Variants in MCM7 observed in about 807,000 individuals in gnomAD.
MCM7 encodes minichromosome maintenance complex component 7, also known as DNA replication licensing factor MCM7.
Under a neutral mutation model 83.5 loss-of-function variants are expected in MCM7, and 95 were observed. The observed-to-expected ratio is 1.14, with a 90% CI of 0.96 to 1.35. MCM7 has a LOEUF of 1.35. Among genes scored for constraint, MCM7 ranks in the 40% most tolerant of loss-of-function variants. MCM7 has a pLI of 0.00. For missense variants in MCM7, 1,087 were observed against 957.4 expected (o/e 1.14, Z -1.79); for synonymous variants, 461 against 352.7 (o/e 1.31, Z -3.44).
Position 100,100,104 on chromosome 7 carries a change from A to T in MCM7, c.32-11T>A, listed in dbSNP as rs755474181. The stretch of plus-strand genomic sequence containing the variant: ...ACTTCTTAACCTTTTCTGTAACATG[A>T]AATGTAAAACCGTAAGACACAAACT... On this transcript the variant is annotated splice_polypyrimidine_tract_variant and intron_variant, in intron 1 of 14. Transcript: ENST00000303887. 6.2e-7 allele frequency: 1 copy of T among 1,613,648 alleles called. No homozygotes were observed. Among genetic ancestry groups the T allele is most frequent in the Non-Finnish European group, 8.5e-7 (1 of 1,179,798 alleles).
chr7:100,100,686 C>G (rs971543652), intron 1 of MCM7: 2 of 989,964 alleles, frequency 2.0e-6, no homozygotes, highest in African/African-American at 3.5e-5. Flanking sequence ...AGCTCCGGAT[C>G]CCAGGCACGC....
At position 100,093,564 on chromosome 7, in the gene MCM7, G is replaced by T. The variant is rs777567675; in HGVS notation, c.1849-163C>A. 7.6e-6 allele frequency: 6 copies of T among 794,372 alleles called. No homozygotes were observed. In the South Asian group the frequency reaches 8.1e-5, roughly 11 times the overall value. 49.2% of individuals were successfully genotyped at this position (794,372 alleles called of 1,614,324 possible). ...CCCCCAGCATCCGCAGTGTTGGGCC[G>T]GCACTGTCAGACCGAGACAAGTGCA... On this transcript the variant is annotated intron_variant, in intron 13 of 14. Coordinates refer to ENST00000303887, the MANE Select transcript of MCM7 (RefSeq NM_005916.5).
chr7:100,096,421 C>A (rs1795638913), intron 10 of MCM7, among the ~76,000 whole-genome samples: 2 of 152,194 alleles, frequency 1.3e-5, no homozygotes. Context: ...CCGGCCTCAG[C>A]CTCCCAAGTA....
chr7:100,100,775 G>C (rs1021533421), intron 1 of MCM7: 2 of 991,784 alleles, frequency 2.0e-6, no homozygotes, highest in Non-Finnish European at 2.4e-6. Context: ...GCCTCCTCGC[G>C]CCACTTCCGC....
At position 100,098,077 on chromosome 7, in the gene MCM7, T is replaced by G. The variant is rs1043748189; in HGVS notation, c.870+64A>C. ...GGGTTTTGCTGCTCTTTTCTCTGTG[T>G]GGGTAGAATGAGTAGGTGAGGGAAA... On this transcript the variant is annotated intron_variant, in intron 7 of 14. Transcript: ENST00000303887. 1.4e-5 allele frequency: 23 copies of G among 1,591,852 alleles called. 1 individual carries two copies. Among genetic ancestry groups the G allele is most frequent in the Middle Eastern group, 3.3e-4 (2 of 6,006 alleles).
chr7:100,095,351 C>G (rs575350245), intron 12 of MCM7, 36 bp downstream of exon 12: 2 of 1,584,336 alleles, frequency 1.3e-6, no homozygotes, highest in Non-Finnish European at 1.7e-6. Context: ...GCACGGCCCA[C>G]GCCAACGTTT....
chr7:100,097,725 G>C lies in MCM7; in HGVS notation c.1006C>G (p.Leu336Val). 1 of 1,614,178 alleles carries C rather than the reference G, an allele frequency of 6.2e-7. No individual in the cohort carries two copies. Among genetic ancestry groups the C allele is most frequent in the Non-Finnish European group, 8.5e-7 (1 of 1,180,034 alleles). The change falls in exon 9 of 15, where the codon CTG becomes GTG. Residue 336 changes from leucine to valine, a missense_variant. Coordinates refer to ENST00000303887, the MANE Select transcript of MCM7 (RefSeq NM_005916.5). ...QIAEEDFYEKLAASIAPEIYG... is the reference protein window; with the variant it reads ...QIAEEDFYEKVAASIAPEIYG... Reference sequence around the variant, plus strand: ...ATTTCTGGGGCGATTGAAGCTGCCAGCTTTTCGTAGAAATCCTCCTCTGTA... The same window carrying C: ...ATTTCTGGGGCGATTGAAGCTGCCACCTTTTCGTAGAAATCCTCCTCTGTA...
At chr7:100,098,812 C>A in intron 5 of MCM7, 97 bp from the exon 6 acceptor site, 3 of 1,513,774 alleles carry the variant, frequency 2.0e-6, no homozygotes, top group East Asian at 2.3e-5. Flanking sequence ...TGGCAGACAT[C>A]TTGTAAGTGT....
Position 100,095,793 on chromosome 7 carries a change from C to T in MCM7, c.1576G>A (p.Asp526Asn), listed in dbSNP as rs765971073. The stretch of plus-strand genomic sequence containing the variant: ...ATTCACCGTAGGTCATTGTCTCGGT[C>T]GGGCCGGTCCTGAATCAGCCAGAGG... ...DLLWLIQDRPDRDNDLRLAQH... is the reference protein window; with the variant it reads ...DLLWLIQDRPNRDNDLRLAQH... The change falls in exon 11 of 15, where the codon GAC becomes AAC. Residue 526 changes from aspartate (D) to asparagine (N), a missense_variant. By Grantham distance (23) the Asp-to-Asn change is conservative. Transcript: ENST00000303887. 55 of 1,586,390 alleles carry T rather than the reference C, an allele frequency of 3.5e-5. No homozygotes were observed. Among genetic ancestry groups the T allele is most frequent in the Non-Finnish European group, 4.2e-5 (49 of 1,166,724 alleles).
chr7:100,094,248 C>T lies in MCM7; in HGVS notation c.1773G>A (p.Glu591=). 6.2e-7 allele frequency: 1 copy of T among 1,614,206 alleles called. No individual in the cohort carries two copies. Among genetic ancestry groups the T allele is most frequent in the Non-Finnish European group, 8.5e-7 (1 of 1,180,044 alleles). Residue 591 remains glutamate, a synonymous_variant, in exon 13 of 15, where the codon GAG becomes GAA. Coordinates refer to ENST00000303887, the MANE Select transcript of MCM7 (RefSeq NM_005916.5). ...AGGTGGCATCCTTACTAGCCCAAGC[C>T]TCTCGCCTCATCTCCACGTATGCTG... The part of the protein sequence containing the change: ...ITAAYVEMRR[E]AWASKDATYT...
At chr7:100,094,865 T>G (rs1163006011) in intron 12 of MCM7, among the ~76,000 whole-genome samples, 1 of 152,208 alleles carries the variant, frequency 6.6e-6, no homozygotes, top group African/African-American at 2.4e-5. Flanking sequence ...GAAATTCACC[T>G]GTATTTCATA....
rs374609144 is a variant in MCM7, at chr7:100,095,481, G to C, written c.1596-11C>G. 9 of 1,613,346 alleles carry C rather than the reference G, an allele frequency of 5.6e-6. No individual in the cohort carries two copies. Among genetic ancestry groups the C allele is most frequent in the Admixed American group, 1.7e-5 (1 of 59,934 alleles). The stretch of plus-strand genomic sequence containing the variant: ...ATGTGCTGGGCCAACCTGGACAGAG[G>C]GAAGGTTAGAAGGAACACCCTTTTT... On this transcript the variant is annotated splice_polypyrimidine_tract_variant and intron_variant, in intron 11 of 14. Coordinates refer to ENST00000303887, the MANE Select transcript of MCM7 (RefSeq NM_005916.5).
rs963293375 is a variant in MCM7, at chr7:100,100,561, C to T, written c.32-468G>A. On this transcript the variant is annotated intron_variant, in intron 1 of 14. Transcript: ENST00000303887. ...AGAAGCACATGGGCCCGGATTCCAG[C>T]CGCTTCACAGCTCGGGATTCCTCCG... The T allele has an allele frequency of 6.0e-6, 6 of 991,900 alleles. No homozygotes were observed. The East Asian group carries it at 4.5e-4, about 74-fold the overall frequency. 61.4% of individuals were successfully genotyped at this position (991,900 alleles called of 1,614,324 possible).
intron 1 of MCM7, chr7:100,100,545 T>G (rs1182890232): frequency 1.1e-5 from 11 of 992,438 alleles, no homozygotes; most frequent in Non-Finnish European, 1.3e-5. Flanking sequence ...AAGAAGCACA[T>G]GGGCCCGGAT....
In MCM7 at chr7:100,097,898, G is replaced by A; in HGVS notation, c.921C>T (p.Asn307=). 1.2e-6 allele frequency: 2 copies of A among 1,614,140 alleles called. No individual in the cohort carries two copies. Among genetic ancestry groups the A allele is most frequent in the East Asian group, 2.2e-5 (1 of 44,886 alleles). ...CCCCAGACTCATCATCCTCACTCTT[G>A]TTCATCTTCACAATCCGATGGGCTT... is the stretch of plus-strand genomic sequence containing the variant. ...YLEAHRIVKM[N]KSEDDESGAG... Residue 307 remains asparagine, a synonymous_variant, in exon 8 of 15, where the codon AAC becomes AAT. Transcript: ENST00000303887.
At chr7:100,100,697 C>G (rs959050862) in intron 1 of MCM7, 2 of 989,546 alleles carry the variant, frequency 2.0e-6, no homozygotes, top group East Asian at 2.3e-4. Flanking sequence ...CCAGGCACGC[C>G]CCCCCGGGCC....
rs1796018371 is a variant in MCM7, at chr7:100,101,352, A to G, written c.-58T>C. ...GGCTCAGAGGTCTTGCTCCTGGGGA[A>G]GCTGAGAATCTCCGCGCGGTGGACT... On this transcript the variant is annotated 5_prime_UTR_variant, in exon 1 of 15. Coordinates refer to ENST00000303887, the MANE Select transcript of MCM7 (RefSeq NM_005916.5). 6.2e-7 allele frequency: 1 copy of G among 1,609,214 alleles called. No homozygotes were observed.
intron 11 of MCM7, 66 bp downstream of exon 11, chr7:100,095,708 C>G: frequency 1.0e-5 from 15 of 1,501,066 alleles, no homozygotes; most frequent in Non-Finnish European, 1.1e-5. Context: ...TTTTCTGATT[C>G]ACCTCTCCTC....
Position 100,097,760 on chromosome 7 carries a change from A to G in MCM7, c.986-15T>C, listed in dbSNP as rs776951423. On this transcript the variant is annotated splice_polypyrimidine_tract_variant and intron_variant, in intron 8 of 14. Transcript: ENST00000303887. ...GAAATCCTCCTCTGTAGAGAAGTTA[A>G]GGTTGTTTTATTTTCTGGGGGAAAA... 8 of 1,614,010 alleles carry G rather than the reference A, an allele frequency of 5.0e-6. No homozygotes were observed. Among genetic ancestry groups the G allele is most frequent in the Non-Finnish European group, 6.8e-6 (8 of 1,180,004 alleles).
Sources: gnomAD v4.1 joint callset for allele counts (sites outside exome capture counted in the v4.1 genomes callset) on GRCh38, gnomAD v4.1.1 for gene constraint, MANE v1.5 for transcripts, NCBI Gene and HGNC (gene_info 2026-07-23, HGNC 2026-07-21) for gene names.